PPP3R1: variants seen among roughly 807,000 people sequenced by gnomAD.
The protein encoded by PPP3R1 is protein phosphatase 3 regulatory subunit B, alpha.
Under a neutral mutation model 22.6 loss-of-function variants are expected in PPP3R1, and 5 were observed. The ratio of observed to expected loss-of-function variants is 0.22; its 90% CI spans 0.12 to 0.46. The LOEUF (loss-of-function observed/expected upper bound fraction) is 0.46. Among genes scored for constraint, PPP3R1 ranks in the 20% least tolerant of loss-of-function variants. The probability of loss-of-function intolerance (pLI) is 0.99; values close to 1 mark genes in which losing one functional copy is unlikely to be tolerated. For missense variants in PPP3R1, 61 were observed against 203.2 expected, an observed-to-expected ratio of 0.30 and a Z score of 4.25; for synonymous variants, 56 against 65.2, an observed-to-expected ratio of 0.86 and a Z score of 0.68.
chr2:68,180,286 T>G lies in PPP3R1; in HGVS notation c.*677A>C, dbSNP rs1336221738. 1 of 152,496 alleles carries G rather than the reference T, an allele frequency of 6.6e-6. No individual in the cohort carries two copies. Among genetic ancestry groups the G allele is most frequent in the Non-Finnish European group, 1.5e-5 (1 of 68,046 alleles). The allele number at this position is 152,496 out of a possible 1,614,324, so 9.4% of individuals were successfully genotyped here. On this transcript the variant is annotated 3_prime_UTR_variant, in exon 6 of 6. Coordinates refer to ENST00000234310, the MANE Select transcript of PPP3R1 (RefSeq NM_000945.4). ...GACTTTCTCCTCAAGCAGAGGTGTA[T>G]TAAAAGCTGCTCAGCAATGAGAAGT... is the stretch of plus-strand genomic sequence containing the variant.
chr2:68,195,311 T>C (rs1021278762), intron 2 of PPP3R1, among the ~76,000 whole-genome samples: 1 of 152,150 alleles, frequency 6.6e-6, no homozygotes, highest in Non-Finnish European at 1.5e-5. Context: ...TTCTCATGAT[T>C]AGAATGCATT....
At chr2:68,183,098 A>G (rs1674449027) in intron 5 of PPP3R1, among the ~76,000 whole-genome samples, 1 of 152,070 alleles carries the variant, frequency 6.6e-6, no homozygotes, top group South Asian at 2.1e-4. Flanking sequence ...TACTTGTTTG[A>G]TTTATGACCT....
chr2:68,202,345 C>T (rs1674996132), intron 2 of PPP3R1, among the ~76,000 whole-genome samples: 1 of 152,174 alleles, frequency 6.6e-6, no homozygotes. Flanking sequence ...TGCCACAATA[C>T]CAAAATTTGA....
chr2:68,194,371 G>A (rs1674727244), intron 2 of PPP3R1, among the ~76,000 whole-genome samples: 1 of 152,026 alleles, frequency 6.6e-6, no homozygotes, highest in Admixed American at 6.6e-5. Context: ...CAAGAATCTT[G>A]TTAATGTTAC....
chr2:68,229,963 T>TACACACACACACAC (rs1381204435), intron 1 of PPP3R1, among the ~76,000 whole-genome samples: 1 of 68,284 alleles, frequency 1.5e-5, no homozygotes, highest in Non-Finnish European at 2.7e-5. Context: ...TGTGTGTATA[T>TACACACACACACAC]ATACACACAT....
chr2:68,252,053 C>T, intron 1 of PPP3R1, 72 bp downstream of exon 1: 18 of 1,324,602 alleles, frequency 1.4e-5, no homozygotes, highest in Non-Finnish European at 1.8e-5. Flanking sequence ...GGCGTCGGGG[C>T]TCGCCCCCGC....
rs914670224 is a variant in PPP3R1, at chr2:68,179,764, C to T, written c.*1199G>A. 6.6e-6 allele frequency: 1 copy of T among 152,144 alleles called. No homozygotes were observed. Among genetic ancestry groups the T allele is most frequent in the Non-Finnish European group, 1.5e-5 (1 of 68,018 alleles). 9.4% of individuals were successfully genotyped at this position (152,144 alleles called of 1,614,324 possible). On this transcript the variant is annotated 3_prime_UTR_variant, in exon 6 of 6. Coordinates refer to ENST00000234310, the MANE Select transcript of PPP3R1 (RefSeq NM_000945.4). Reference sequence around the variant, plus strand: ...CAAGAAAAAAAAACCAGTATGCATGCTCTATCCCTCGTGGTAAAGAAATTT... The same window carrying T: ...CAAGAAAAAAAAACCAGTATGCATGTTCTATCCCTCGTGGTAAAGAAATTT...
Position 68,217,070 on chromosome 2 carries a change from T to C in PPP3R1, c.43+22A>G, listed in dbSNP as rs766193838. The C allele has an allele frequency of 2.1e-5, 32 of 1,550,618 alleles. No homozygotes were observed. In the South Asian group the frequency reaches 3.6e-4, roughly 18 times the overall value. ...GAGATGAGTGAATAAAAGTAACTTTTGGTAACAAGAATATGACTTACAGTG... is the reference window on the plus strand; with the variant it reads ...GAGATGAGTGAATAAAAGTAACTTTCGGTAACAAGAATATGACTTACAGTG... On this transcript the variant is annotated intron_variant, in intron 2 of 5. Transcript: ENST00000234310.
At chr2:68,234,656 A>T (rs545592810) in intron 1 of PPP3R1, among the ~76,000 whole-genome samples, 6 of 152,350 alleles carry the variant, frequency 3.9e-5, no homozygotes, top group Non-Finnish European at 7.3e-5. Flanking sequence ...TCAGGTGAAG[A>T]CAGCTGAGGA....
intron 1 of PPP3R1, among the ~76,000 whole-genome samples, chr2:68,235,302 A>C (rs1669997712): frequency 1.3e-5 from 2 of 152,142 alleles, no homozygotes; most frequent in South Asian, 4.1e-4. Flanking sequence ...TGCAGCCATC[A>C]CCACAATCAA....
intron 1 of PPP3R1, among the ~76,000 whole-genome samples, chr2:68,229,657 T>A (rs909617618): frequency 6.6e-6 from 1 of 152,206 alleles, no homozygotes; most frequent in Non-Finnish European, 1.5e-5. Context: ...CTGTCTCTGG[T>A]AACTGCTTTG....
chr2:68,211,010 TG>T (rs933570009), intron 2 of PPP3R1, among the ~76,000 whole-genome samples: 1 of 152,220 alleles, frequency 6.6e-6, no homozygotes. Context: ...TGAATTTTTT[TG>T]TTTTCCAGTG....
At chr2:68,251,246 C>G (rs1218168376) in intron 1 of PPP3R1, 4 of 152,126 alleles carry the variant, frequency 2.6e-5, no homozygotes, top group Non-Finnish European at 4.4e-5. Flanking sequence ...ACACCCCTAG[C>G]GTCGGTCTGA....
At chr2:68,222,671 T>A (rs1032327130) in intron 1 of PPP3R1, among the ~76,000 whole-genome samples, 1 of 152,210 alleles carries the variant, frequency 6.6e-6, no homozygotes, top group African/African-American at 2.4e-5. Flanking sequence ...CAGCACCAGC[T>A]TTCCTGGGTC....
intron 1 of PPP3R1, among the ~76,000 whole-genome samples, chr2:68,236,365 C>T (rs1265568594): frequency 6.6e-6 from 1 of 152,144 alleles, no homozygotes; most frequent in East Asian, 1.9e-4. Context: ...GTATGGCTCC[C>T]AAGCCTCAAA....
chr2:68,202,500 C>T (rs6719706), intron 2 of PPP3R1, among the ~76,000 whole-genome samples: 112,999 of 151,830 alleles, frequency 0.74, 43,118 homozygotes, highest in African/African-American at 0.93. Flanking sequence ...ACTCGGCTCA[C>T]TGCAACCTCT....
At chr2:68,198,301 A>G (rs985241809) in intron 2 of PPP3R1, among the ~76,000 whole-genome samples, 16 of 142,102 alleles carry the variant, frequency 1.1e-4, no homozygotes, top group East Asian at 2.0e-4. Flanking sequence ...ACACATGTAT[A>G]CATGTATACA....
At chr2:68,186,215 A>G (rs943745912) in intron 5 of PPP3R1, among the ~76,000 whole-genome samples, 3 of 152,196 alleles carry the variant, frequency 2.0e-5, no homozygotes, top group Non-Finnish European at 4.4e-5. Flanking sequence ...AGAAGCAATG[A>G]GTGATTAAAT....
At chr2:68,249,729 GA>G (rs1231027806) in intron 1 of PPP3R1, among the ~76,000 whole-genome samples, 7 of 150,050 alleles carry the variant, frequency 4.7e-5, no homozygotes, top group Non-Finnish European at 8.9e-5. Flanking sequence ...TAACTTTCAG[GA>G]AAAAAAAAAA....
Sources: allele counts gnomAD v4.1 joint callset (sites outside exome capture counted in the v4.1 genomes callset), GRCh38; gene constraint gnomAD v4.1.1; transcripts MANE v1.5; gene names NCBI Gene and HGNC (gene_info 2026-07-23, HGNC 2026-07-21).